KIRREL3: variants seen among roughly 807,000 people sequenced by gnomAD.
KIRREL3 encodes kirre like nephrin family adhesion molecule 3.
In KIRREL3, 36 loss-of-function variants were observed where a neutral mutation model predicts 89.7. The observed-to-expected ratio is 0.40, with a 90% CI of 0.31 to 0.53. KIRREL3 has a LOEUF of 0.53. Among genes scored for constraint, KIRREL3 ranks in the 20% least tolerant of loss-of-function variants. The probability of loss-of-function intolerance (pLI) is 0.49; values close to 1 mark genes in which losing one functional copy is unlikely to be tolerated. For missense variants in KIRREL3, 864 were observed against 1,056.6 expected, an observed-to-expected ratio of 0.82 and a Z score of 2.53; for synonymous variants, 445 against 441.4, an observed-to-expected ratio of 1.01 and a Z score of -0.10.
intron 1 of KIRREL3, among the ~76,000 whole-genome samples, chr11:126,923,922 C>T (rs1355483005): frequency 6.6e-6 from 1 of 152,172 alleles, no homozygotes; most frequent in Non-Finnish European, 1.5e-5. Flanking sequence ...AATTCATTGG[C>T]TTTCCCCCCA....
rs887274778 is a variant in KIRREL3, at chr11:126,620,076, C to T, written c.56-57164G>A. On this transcript the variant is annotated intron_variant, in intron 1 of 16. Coordinates refer to ENST00000525144, the MANE Select transcript of KIRREL3 (RefSeq NM_032531.4). The surrounding 1 kb of genome is among the most constrained non-coding windows in gnomAD (Gnocchi z 4.8). ...TTATTAAACTCTCTCTCTGCTGCAACTTCCACTGTTTTGCTGTTTGCCCAC... is the reference window on the plus strand; with the variant it reads ...TTATTAAACTCTCTCTCTGCTGCAATTTCCACTGTTTTGCTGTTTGCCCAC... 1.3e-4 allele frequency among the ~76,000 whole-genome samples: 20 copies of T among 152,230 alleles called. No homozygotes were observed. The highest frequency in any genetic ancestry group is 4.8e-4 in the African/African-American group (20 of 41,446).
chr11:126,569,695 T>C lies in KIRREL3; in HGVS notation c.56-6783A>G, dbSNP rs1940780814. ...TGAATGGCAATTCTTACTGCAGGAG[T>C]CCCCAGGAGGAAAAGACAGCTTCAG... On this transcript the variant is annotated intron_variant, in intron 1 of 16. Transcript: ENST00000525144. The surrounding 1 kb of genome is among the most constrained non-coding windows in gnomAD (Gnocchi z 6.5). 6.6e-6 allele frequency among the ~76,000 whole-genome samples: 1 copy of C among 151,428 alleles called. No homozygotes were observed.
At chr11:126,434,471 G>C (rs1484752218) in intron 13 of KIRREL3, among the ~76,000 whole-genome samples, 1 of 152,244 alleles carries the variant, frequency 6.6e-6, no homozygotes, top group Non-Finnish European at 1.5e-5. Context: ...TCTGATAGGG[G>C]CATGTCTGCC....
Position 126,475,654 on chromosome 11 carries a change from A to C in KIRREL3, c.434-2188T>G, listed in dbSNP as rs1957042869. 6.6e-6 allele frequency among the ~76,000 whole-genome samples: 1 copy of C among 151,970 alleles called. No individual in the cohort carries two copies. The highest frequency in any genetic ancestry group is 6.6e-5 in the Admixed American group (1 of 15,234). ...CTTGAGCCGGGAGGAAGCAGGCATG[A>C]ATGGGATGGATGGAGAAGACGACCC... On this transcript the variant is annotated intron_variant, in intron 4 of 16. Transcript: ENST00000525144. The surrounding 1 kb of genome is among the most constrained non-coding windows in gnomAD (Gnocchi z 7.5).
intron 1 of KIRREL3, among the ~76,000 whole-genome samples, chr11:126,790,128 T>G (rs1950593540): frequency 6.6e-6 from 1 of 152,228 alleles, no homozygotes; most frequent in South Asian, 2.1e-4. Flanking sequence ...TAACTCCCCT[T>G]ACCCACTCTA....
intron 1 of KIRREL3, among the ~76,000 whole-genome samples, chr11:126,840,174 T>G (rs1308088224): frequency 6.6e-6 from 1 of 152,214 alleles, no homozygotes; most frequent in African/African-American, 2.4e-5. Context: ...GAGTTATTAT[T>G]TTGATCTTTC....
Position 126,755,876 on chromosome 11 carries a change from A to G in KIRREL3, c.56-192964T>C, listed in dbSNP as rs56076347. ...GAGAGGGAGAGAGGGAGAGAGAAAA[A>G]ACAGAGAGAGAGAGAGAGAGAGAAG... On this transcript the variant is annotated intron_variant, in intron 1 of 16. Transcript: ENST00000525144. The surrounding 1 kb of genome is among the most constrained non-coding windows in gnomAD (Gnocchi z 4.3). Among the ~76,000 whole-genome samples, 2 of 116,568 alleles carry G rather than the reference A, an allele frequency of 1.7e-5. No homozygotes were observed. The highest frequency in any genetic ancestry group is 4.2e-4 in the East Asian group (2 of 4,818). The allele number at this position is 116,568 out of a possible 152,430, so 76.5% of individuals were successfully genotyped here.
At position 126,570,009 on chromosome 11, in the gene KIRREL3, A is replaced by C. The variant is rs1461355114; in HGVS notation, c.56-7097T>G. On this transcript the variant is annotated intron_variant, in intron 1 of 16. Coordinates refer to ENST00000525144, the MANE Select transcript of KIRREL3 (RefSeq NM_032531.4). The surrounding 1 kb of genome is among the most constrained non-coding windows in gnomAD (Gnocchi z 6.1). ...TCCCAGGCAATAATAATGCCCATAC[A>C]TCATGCAAAGATCATAATTTTCTGA... is the stretch of plus-strand genomic sequence containing the variant. Among the ~76,000 whole-genome samples the C allele has an allele frequency of 6.6e-6, 1 of 152,140 alleles. No homozygotes were observed. Among genetic ancestry groups the C allele is most frequent in the Non-Finnish European group, 1.5e-5 (1 of 68,028 alleles).
chr11:126,899,358 T>C (rs1418748888), intron 1 of KIRREL3, among the ~76,000 whole-genome samples: 1 of 152,108 alleles, frequency 6.6e-6, no homozygotes, highest in Non-Finnish European at 1.5e-5. Context: ...ACTTGTAAAA[T>C]GTGACCCAGC....
chr11:126,918,935 ATATGT>A lies in KIRREL3; in HGVS notation c.55+81515_55+81519del, dbSNP rs1592353939. On this transcript the variant is annotated intron_variant, in intron 1 of 16. Coordinates refer to ENST00000525144, the MANE Select transcript of KIRREL3 (RefSeq NM_032531.4). The surrounding 1 kb of genome is among the most constrained non-coding windows in gnomAD (Gnocchi z 6.5). ...CAAGGAAATATGATTTTATAACGTCATATGTTATAACATCATATGTTATAAGATAT... is the reference window on the plus strand; with the variant it reads ...CAAGGAAATATGATTTTATAACGTCATATAACATCATATGTTATAAGATAT... Among the ~76,000 whole-genome samples, 1 of 151,550 alleles carries A rather than the reference ATATGT, an allele frequency of 6.6e-6. No individual in the cohort carries two copies. The highest frequency in any genetic ancestry group is 2.1e-4 in the South Asian group (1 of 4,786).
intron 1 of KIRREL3, among the ~76,000 whole-genome samples, chr11:126,758,310 C>T (rs1016468222): frequency 3.3e-5 from 5 of 152,308 alleles, no homozygotes; most frequent in Non-Finnish European, 4.4e-5. Flanking sequence ...TGTTGTATTA[C>T]CAGTGTCACA....
chr11:126,468,812 G>C (rs1233148268), intron 5 of KIRREL3, among the ~76,000 whole-genome samples: 1 of 152,216 alleles, frequency 6.6e-6, no homozygotes, highest in Admixed American at 6.5e-5. Flanking sequence ...ACAGACATCC[G>C]TGATCATTAT....
rs1949644258 is a variant in KIRREL3, at chr11:126,978,679, C to A, written c.55+21776G>T. 6.6e-6 allele frequency among the ~76,000 whole-genome samples: 1 copy of A among 152,154 alleles called. No individual in the cohort carries two copies. Among genetic ancestry groups the A allele is most frequent in the South Asian group, 2.1e-4 (1 of 4,830 alleles). ...CCTCTTCTCCTCATCCCGCTCTCTG[C>A]CCATTTTCTTAGCTAATGTCCACTC... On this transcript the variant is annotated intron_variant, in intron 1 of 16. Transcript: ENST00000525144. This position sits in a 1 kb window ranked among gnomAD's most constrained non-coding sequence, Gnocchi z 4.2.
chr11:126,464,451 A>T (rs974624012), intron 5 of KIRREL3, among the ~76,000 whole-genome samples: 5 of 151,968 alleles, frequency 3.3e-5, no homozygotes, highest in Non-Finnish European at 7.4e-5. Flanking sequence ...GGATCACTTG[A>T]TCCCGGAAGG....
rs1375405726 is a variant in KIRREL3 at position 126,578,370 on chromosome 11, G to A, written c.56-15458C>T. Among the ~76,000 whole-genome samples, 1 of 152,170 alleles carries A rather than the reference G, an allele frequency of 6.6e-6. No homozygotes were observed. The highest frequency in any genetic ancestry group is 1.5e-5 in the Non-Finnish European group (1 of 68,024). On this transcript the variant is annotated intron_variant, in intron 1 of 16. Coordinates refer to ENST00000525144, the MANE Select transcript of KIRREL3 (RefSeq NM_032531.4). This position sits in a 1 kb window ranked among gnomAD's most constrained non-coding sequence, Gnocchi z 4.9. ...GAGGAGGGCAAAATGGGAATTCATT[G>A]GAAGAGATCCTTGGTTCACACGCTA...
Position 126,441,585 on chromosome 11 carries a change from T to A in KIRREL3, c.1253-1036A>T, listed in dbSNP as rs1955565429. Among the ~76,000 whole-genome samples, 1 of 152,180 alleles carries A rather than the reference T, an allele frequency of 6.6e-6. No homozygotes were observed. Among genetic ancestry groups the A allele is most frequent in the African/African-American group, 2.4e-5 (1 of 41,444 alleles). The stretch of plus-strand genomic sequence containing the variant: ...TCACAGTTGGGACTTAGATGGCAGA[T>A]ACCAGAGGAAAGACAGCCGGGAGCA... On this transcript the variant is annotated intron_variant, in intron 10 of 16. Transcript: ENST00000525144. This position sits in a 1 kb window ranked among gnomAD's most constrained non-coding sequence, Gnocchi z 5.0.
intron 1 of KIRREL3, among the ~76,000 whole-genome samples, chr11:126,597,731 C>T (rs1047087906): frequency 4.6e-5 from 7 of 152,322 alleles, no homozygotes; most frequent in Middle Eastern, 3.4e-3. Context: ...GTCCCTGACA[C>T]GGAATAAAAG....
intron 1 of KIRREL3, among the ~76,000 whole-genome samples, chr11:126,698,207 G>C (rs1260284911): frequency 2.6e-5 from 4 of 152,120 alleles, no homozygotes; most frequent in African/African-American, 7.2e-5. Context: ...CATTCCATCT[G>C]TCTATCAGCA....
At chr11:126,654,150 G>A (rs977487155) in intron 1 of KIRREL3, among the ~76,000 whole-genome samples, 2 of 151,022 alleles carry the variant, frequency 1.3e-5, no homozygotes, top group Non-Finnish European at 2.9e-5. Context: ...GCTTCACAAG[G>A]CTGGTGAGCG....
Sources: allele counts gnomAD v4.1 joint callset (sites outside exome capture counted in the v4.1 genomes callset), GRCh38; gene constraint gnomAD v4.1.1; non-coding constraint Gnocchi (gnomAD v3.1); transcripts MANE v1.5; gene names NCBI Gene and HGNC (gene_info 2026-07-23, HGNC 2026-07-21).